The following KIF15 variants were observed in gnomAD, a reference collection of about 807,000 sequenced individuals.
The protein encoded by KIF15 is kinesin family member 15.
Under a neutral mutation model 190.6 loss-of-function variants are expected in KIF15, and 140 were observed. That is an observed-to-expected ratio of 0.73 (90% CI 0.64 to 0.84). KIF15 has a LOEUF of 0.84. KIF15 is among the 40% of genes least tolerant of loss of function. The pLI is 0.00. For synonymous variants in KIF15, 528 were observed against 551.3 expected, an observed-to-expected ratio of 0.96 and a Z score of 0.59; for missense variants, 1,372 against 1,584.4, an observed-to-expected ratio of 0.87 and a Z score of 2.28.
chr3:44,770,764 A>G (rs1439031484), intron 1 of KIF15, among the ~76,000 whole-genome samples: 1 of 151,608 alleles, frequency 6.6e-6, no homozygotes, highest in Non-Finnish European at 1.5e-5. Flanking sequence ...GAAGCCAGGC[A>G]GAGAGAGAGA....
At chr3:44,801,421 T>C (rs1420407759) in intron 11 of KIF15, 29 bp from the exon 12 acceptor site, 1 of 1,332,428 alleles carries the variant, frequency 7.5e-7, no homozygotes, top group East Asian at 2.3e-5. Context: ...TTTTTTTTCA[T>C]CTTCCCTTTC....
intron 13 of KIF15, among the ~76,000 whole-genome samples, chr3:44,802,195 A>G (rs1251142303): frequency 6.6e-6 from 1 of 152,146 alleles, no homozygotes; most frequent in East Asian, 1.9e-4. Context: ...ATAGTATGCT[A>G]CTCTAGCAGG....
chr3:44,761,936 T>A (rs761662221), intron 1 of KIF15, 52 bp downstream of exon 1: 2 of 1,612,498 alleles, frequency 1.2e-6, no homozygotes, highest in Non-Finnish European at 1.7e-6. Flanking sequence ...CAAATACAGC[T>A]GTGAAAGGAT....
rs1310838647 is a variant in KIF15, at chr3:44,803,009, T to C, written c.1687+18T>C. The C allele has an allele frequency of 1.3e-6, 2 of 1,579,284 alleles. No individual in the cohort carries two copies. Among genetic ancestry groups the C allele is most frequent in the Non-Finnish European group, 1.7e-6 (2 of 1,167,574 alleles). On this transcript the variant is annotated intron_variant, in intron 14 of 34. Coordinates refer to ENST00000326047, the MANE Select transcript of KIF15 (RefSeq NM_020242.3). ...TGACAAAAGTAAGAAATGATTGTTG[T>C]ATATACGTGCCATGTAGGAAGGGGC... is the stretch of plus-strand genomic sequence containing the variant.
intron 6 of KIF15, chr3:44,865,402 T>G (rs1699310397): frequency 1.7e-6 from 1 of 575,984 alleles, no homozygotes; most frequent in Non-Finnish European, 3.0e-6. Flanking sequence ...GTGCTTTGGA[T>G]TCTTCCTCCC....
At chr3:44,793,673 T>C (rs1371866208) in intron 7 of KIF15, among the ~76,000 whole-genome samples, 1 of 152,312 alleles carries the variant, frequency 6.6e-6, no homozygotes, top group East Asian at 1.9e-4. Flanking sequence ...TAATTTATCT[T>C]ATAAAGCTAG....
chr3:44,830,991 G>T lies in KIF15; in HGVS notation c.3144G>T (p.Arg1048Ser). ...VDILDLKETL[R>S]LRILSEDIER... ...TTCTGGATCTGAAAGAAACCCTTAG[G>T]CTGAGAATACTTTCTGAGGACATAG... The change falls in exon 26 of 35, where the codon AGG (arginine) becomes AGT (serine). Residue 1048 changes from arginine to serine, a missense_variant. Physicochemically the swap from Arg to Ser is moderately radical, Grantham distance 110. Coordinates refer to ENST00000326047, the MANE Select transcript of KIF15 (RefSeq NM_020242.3). 1 of 1,614,016 alleles carries T rather than the reference G, an allele frequency of 6.2e-7. No individual in the cohort carries two copies. Among genetic ancestry groups the T allele is most frequent in the Non-Finnish European group, 8.5e-7 (1 of 1,179,980 alleles).
At position 44,815,022 on chromosome 3, in the gene KIF15, T is replaced by A; in HGVS notation, c.2495T>A (p.Phe832Tyr). The A allele has an allele frequency of 6.2e-7, 1 of 1,612,124 alleles. No homozygotes were observed. The highest frequency in any genetic ancestry group is 8.5e-7 in the Non-Finnish European group (1 of 1,179,426). The change falls in exon 20 of 35, where the codon TTC becomes TAC. Residue 832 changes from phenylalanine to tyrosine, a missense_variant. Coordinates refer to ENST00000326047, the MANE Select transcript of KIF15 (RefSeq NM_020242.3). ...TTCAAAACGAATCAGGAGAAAGAAT[T>A]CAACAAACTTTCCGAAAGACACATG... is the stretch of plus-strand genomic sequence containing the variant. ...SSFKTNQEKE[F>Y]NKLSERHMHV...
intron 2 of KIF15, 112 bp from the exon 3 acceptor site, chr3:44,775,142 C>A: frequency 3.6e-6 from 3 of 826,096 alleles, no homozygotes; most frequent in Non-Finnish European, 3.9e-6. Flanking sequence ...ATGTCTTGGG[C>A]TTTGTTGGAG....
intron 14 of KIF15, among the ~76,000 whole-genome samples, chr3:44,804,130 G>A (rs1027210663): frequency 6.6e-6 from 1 of 152,144 alleles, no homozygotes; most frequent in Non-Finnish European, 1.5e-5. Flanking sequence ...TTACAGATGT[G>A]AGCCCCAACG....
rs1707863150 is a variant in KIF15 at position 44,812,997 on chromosome 3, A to G, written c.2278-78A>G. The stretch of plus-strand genomic sequence containing the variant: ...AAGACTCTGTCTCAAAAAAAAAAAA[A>G]GAAACAGGTTAATGATTTGGAGTGC... On this transcript the variant is annotated intron_variant, in intron 18 of 34. Coordinates refer to ENST00000326047, the MANE Select transcript of KIF15 (RefSeq NM_020242.3). The G allele has an allele frequency of 3.5e-6, 3 of 860,608 alleles. No homozygotes were observed. The South Asian group carries it at 4.8e-5, about 14-fold the overall frequency. 53.3% of individuals were successfully genotyped at this position (860,608 alleles called of 1,614,324 possible).
At chr3:44,856,066 A>G (rs1699185112), downstream of KIF15, among the ~76,000 whole-genome samples, 1 of 152,104 alleles carries the variant, frequency 6.6e-6, no homozygotes, top group South Asian at 2.1e-4. Context: ...TGATTTGACT[A>G]ATAAAGGCCG....
chr3:44,778,769 A>G (rs890106416), intron 4 of KIF15, among the ~76,000 whole-genome samples: 3 of 151,954 alleles, frequency 2.0e-5, no homozygotes, highest in African/African-American at 7.3e-5. Context: ...ACTGGAGTTC[A>G]GGAGTTCAAG....
chr3:44,840,655 ATTTTTTT>A (rs60621752), intron 28 of KIF15, among the ~76,000 whole-genome samples, 199 bp downstream of exon 28: 7 of 67,024 alleles, frequency 1.0e-4, no homozygotes, highest in Admixed American at 2.2e-4. Context: ...TAAGCAGCGG[ATTTTTTT>A]TTTTTTTTTT....
chr3:44,771,254 C>T (rs1705628183), intron 1 of KIF15, among the ~76,000 whole-genome samples: 1 of 152,130 alleles, frequency 6.6e-6, no homozygotes, highest in Non-Finnish European at 1.5e-5. Context: ...ATAGCATATA[C>T]TCATGATGGG....
At chr3:44,764,749 G>C (rs1176500879) in intron 1 of KIF15, among the ~76,000 whole-genome samples, 1 of 151,952 alleles carries the variant, frequency 6.6e-6, no homozygotes, top group Non-Finnish European at 1.5e-5. Context: ...GATTACTCCT[G>C]CCTCAGCCTC....
intron 4 of KIF15, 119 bp downstream of exon 4, chr3:44,778,310 TTC>T: frequency 1.2e-6 from 1 of 817,222 alleles, no homozygotes; most frequent in Non-Finnish European, 2.1e-6. Flanking sequence ...TATGTTACAG[TTC>T]TGTAAGTGAA....
At chr3:44,863,743 G>A (rs1036724934) in intron 6 of KIF15, 1 of 170,606 alleles carries the variant, frequency 5.9e-6, no homozygotes, top group African/African-American at 2.4e-5. Context: ...TATAGGATTT[G>A]GGGGTGGGAA....
intron 5 of KIF15, among the ~76,000 whole-genome samples, chr3:44,782,884 G>A (rs1482596406): frequency 6.6e-6 from 1 of 152,196 alleles, no homozygotes; most frequent in Non-Finnish European, 1.5e-5. Flanking sequence ...GGGGCTGGTA[G>A]CATGGGAAGT....
Sources: allele counts gnomAD v4.1 joint callset (sites outside exome capture counted in the v4.1 genomes callset), GRCh38; gene constraint gnomAD v4.1.1; transcripts MANE v1.5; gene names NCBI Gene and HGNC (gene_info 2026-07-23, HGNC 2026-07-21).